POLR2B: variants seen among roughly 807,000 people sequenced by gnomAD.
The protein encoded by POLR2B is RNA polymerase II subunit B.
Under a neutral mutation model 144.6 loss-of-function variants are expected in POLR2B, and 57 were observed. The observed-to-expected ratio is 0.39, with a 90% CI of 0.32 to 0.49. POLR2B has a LOEUF of 0.49. Among genes scored for constraint, POLR2B ranks in the 20% least tolerant of loss-of-function variants. POLR2B has a pLI of 0.83. For missense variants in POLR2B, 595 were observed against 1,467.4 expected (o/e 0.41, Z 9.71); for synonymous variants, 442 against 469.8 (o/e 0.94, Z 0.77).
chr4:57,005,583 T>C lies in POLR2B; in HGVS notation c.1098-17T>C. On this transcript the variant is annotated splice_polypyrimidine_tract_variant and intron_variant, in intron 8 of 24. Coordinates refer to ENST00000314595, the MANE Select transcript of POLR2B (RefSeq NM_000938.3). The stretch of plus-strand genomic sequence containing the variant: ...AGTGTTTTCCCTCTTTCTTTCTTTC[T>C]TTTTTTTTTTTTAAAGATACATGGT... The C allele has an allele frequency of 1.5e-6, 1 of 683,212 alleles. No individual in the cohort carries two copies. Among genetic ancestry groups the C allele is most frequent in the Non-Finnish European group, 2.1e-6 (1 of 483,604 alleles). The allele number at this position is 683,212 out of a possible 1,614,324, so 42.3% of individuals were successfully genotyped here.
At chr4:57,005,173 C>T (rs1285097884) in intron 7 of POLR2B, 73 bp from the exon 8 acceptor site, 4 of 853,496 alleles carry the variant, frequency 4.7e-6, no homozygotes, top group Non-Finnish European at 6.9e-6. Context: ...ATGTTATAAA[C>T]TAAGTGACAG....
chr4:56,994,620 A>T, intron 4 of POLR2B, 27 bp from the exon 5 acceptor site: 1 of 1,518,940 alleles, frequency 6.6e-7, no homozygotes, highest in Non-Finnish European at 9.1e-7. Flanking sequence ...CCTATTGCTT[A>T]ACTGTGATCT....
At chr4:56,992,067 A>C (rs796643495) in intron 3 of POLR2B, among the ~76,000 whole-genome samples, 13 of 151,642 alleles carry the variant, frequency 8.6e-5, no homozygotes, top group African/African-American at 2.9e-4. Context: ...GTAGATCTCT[A>C]ACACCTAGTT....
chr4:56,989,074 ATTAG>A (rs1432739010), intron 2 of POLR2B, among the ~76,000 whole-genome samples: 1 of 152,224 alleles, frequency 6.6e-6, no homozygotes, highest in Non-Finnish European at 1.5e-5. Context: ...TGAATGTGAT[ATTAG>A]TTAATATCAC....
Position 57,023,277 on chromosome 4 carries a change from G to C in POLR2B, c.2516-53G>C. ...GACTTGGAACTGATTCATGTATGTGGTTTTTAATCTTTGTTGGGGATTATG... is the reference window on the plus strand; with the variant it reads ...GACTTGGAACTGATTCATGTATGTGCTTTTTAATCTTTGTTGGGGATTATG... On this transcript the variant is annotated intron_variant, in intron 18 of 24. Transcript: ENST00000314595. This position sits in a 1 kb window ranked among gnomAD's most constrained non-coding sequence, Gnocchi z 4.3. The C allele has an allele frequency of 6.3e-7, 1 of 1,595,298 alleles. No homozygotes were observed. The highest frequency in any genetic ancestry group is 8.6e-7 in the Non-Finnish European group (1 of 1,167,280).
At chr4:56,987,957 T>C (rs1039536847) in intron 2 of POLR2B, among the ~76,000 whole-genome samples, 4 of 150,978 alleles carry the variant, frequency 2.6e-5, no homozygotes, top group Non-Finnish European at 5.9e-5. Flanking sequence ...GGTGCTGTGG[T>C]GTGTGCCTAT....
intron 7 of POLR2B, among the ~76,000 whole-genome samples, chr4:57,002,216 A>G (rs1209776773): frequency 6.6e-6 from 1 of 152,014 alleles, no homozygotes; most frequent in Non-Finnish European, 1.5e-5. Context: ...TTTGGTAGAG[A>G]TGGAGTTTTG....
In POLR2B at chr4:56,980,498, G is replaced by A. The variant is rs1578550369; in HGVS notation, c.19+1494G>A. Among the ~76,000 whole-genome samples, 3 of 152,082 alleles carry A rather than the reference G, an allele frequency of 2.0e-5. No homozygotes were observed. In the South Asian group the frequency reaches 6.2e-4, roughly 32 times the overall value. On this transcript the variant is annotated intron_variant, in intron 1 of 24. Transcript: ENST00000314595. ...GCATTTTGGGAGTCTGAGGCGGGTG[G>A]ATTACTTGAGCTCAGGAGTTCGAGA...
At chr4:57,021,420 G>T (rs1718863) in intron 17 of POLR2B, among the ~76,000 whole-genome samples, 55,617 of 150,690 alleles carry the variant, frequency 0.37, 10,505 homozygotes, top group South Asian at 0.47. Flanking sequence ...ATTTTCCTTT[G>T]TCTGTGTAGT....
At chr4:57,025,962 C>T (rs576142697) in intron 23 of POLR2B, among the ~76,000 whole-genome samples, 39 of 151,824 alleles carry the variant, frequency 2.6e-4, no homozygotes, top group Admixed American at 3.9e-4. Context: ...AGAGGCTAGG[C>T]GCAATGGCTC....
Position 56,995,406 on chromosome 4 carries a change from A to G in POLR2B, c.732A>G (p.Gly244=), listed in dbSNP as rs41547421. 7.5e-6 allele frequency: 12 copies of G among 1,600,028 alleles called. No homozygotes were observed. In the South Asian group the frequency reaches 1.1e-4, roughly 15 times the overall value. ...GGGTTAGCATGCTGGCAAGAGGAGG[A>G]CAGGTATGGACTGGATATGATGCTA... ...TIWVSMLARG[G]QGAKKSAIGQ... Residue 244 remains glycine (G), a synonymous_variant, in exon 6 of 25, where the codon GGA becomes GGG. Coordinates refer to ENST00000314595, the MANE Select transcript of POLR2B (RefSeq NM_000938.3).
At chr4:56,993,838 T>G (rs955783351) in intron 3 of POLR2B, among the ~76,000 whole-genome samples, 1 of 152,242 alleles carries the variant, frequency 6.6e-6, no homozygotes, top group Admixed American at 6.5e-5. Context: ...TTTTAAAATG[T>G]TCTATTGATT....
chr4:56,998,413 T>TC (rs1722755588), intron 6 of POLR2B, among the ~76,000 whole-genome samples: 1 of 152,214 alleles, frequency 6.6e-6, no homozygotes, highest in Non-Finnish European at 1.5e-5. Context: ...GCCAGGCTGA[T>TC]CTCGAACTCC....
chr4:57,018,121 G>C (rs1447329298), intron 16 of POLR2B, among the ~76,000 whole-genome samples: 1 of 152,176 alleles, frequency 6.6e-6, no homozygotes, highest in East Asian at 1.9e-4. Flanking sequence ...GGAGTGGAGT[G>C]TAAATATATG....
At chr4:57,012,224 G>A (rs1014181986) in intron 13 of POLR2B, among the ~76,000 whole-genome samples, 2 of 151,994 alleles carry the variant, frequency 1.3e-5, no homozygotes, top group African/African-American at 4.8e-5. Flanking sequence ...GGCCAACATG[G>A]CAAAACCCTG....
chr4:57,025,126 G>A (rs1442900326), intron 22 of POLR2B, 127 bp downstream of exon 22: 1 of 625,622 alleles, frequency 1.6e-6, no homozygotes, highest in Admixed American at 3.0e-5. Context: ...ACAGCTTGAT[G>A]AATTTTCACA....
chr4:56,984,601 T>C (rs1722260384), intron 1 of POLR2B, among the ~76,000 whole-genome samples: 1 of 152,358 alleles, frequency 6.6e-6, no homozygotes, highest in Non-Finnish European at 1.5e-5. Context: ...TAACTTTTAA[T>C]CTCTCATCAA....
intron 6 of POLR2B, among the ~76,000 whole-genome samples, chr4:56,996,206 A>ATGTGTGTGTG (rs59059584): frequency 0.077 from 8,825 of 114,996 alleles, 449 homozygotes; most frequent in African/African-American, 0.12. Flanking sequence ...ATTTCAGTTC[A>ATGTGTGTGTG]TGTGTGTGTG....
intron 23 of POLR2B, among the ~76,000 whole-genome samples, chr4:57,027,376 C>G (rs1723757863): frequency 6.6e-6 from 1 of 151,974 alleles, no homozygotes; most frequent in Non-Finnish European, 1.5e-5. Context: ...GGCACAATCA[C>G]AGCTCACTGC....
Sources: gnomAD v4.1 joint callset for allele counts (sites outside exome capture counted in the v4.1 genomes callset) on GRCh38, gnomAD v4.1.1 for gene constraint, Gnocchi (gnomAD v3.1) non-coding constraint, MANE v1.5 for transcripts, NCBI Gene and HGNC (gene_info 2026-07-23, HGNC 2026-07-21) for gene names.